SLC8B1: variants seen among roughly 807,000 people sequenced by gnomAD.
SLC8B1 encodes solute carrier family 8 member B1.
Under a neutral mutation model 63.4 loss-of-function variants are expected in SLC8B1, and 52 were observed. The ratio of observed to expected loss-of-function variants is 0.82; its 90% CI spans 0.66 to 1.03. The LOEUF (loss-of-function observed/expected upper bound fraction) is 1.03, where lower values mean the gene tolerates loss of function less well. Ranked by LOEUF, SLC8B1 falls within the 50% of genes least tolerant of loss-of-function variation. SLC8B1 has a pLI of 0.00. For missense variants in SLC8B1, 657 were observed against 741.7 expected (o/e 0.89, Z 1.33); for synonymous variants, 336 against 323.9 (o/e 1.04, Z -0.40).
intron 12 of SLC8B1, 44 bp from the exon 13 acceptor site, chr12:113,307,888 C>G: frequency 2.5e-6 from 4 of 1,596,632 alleles, no homozygotes; most frequent in Non-Finnish European, 3.4e-6. Flanking sequence ...CCAGCCCCAA[C>G]AGGAACACAG....
intron 11 of SLC8B1, among the ~76,000 whole-genome samples, chr12:113,313,473 C>T (rs980863433): frequency 6.6e-6 from 1 of 152,104 alleles, no homozygotes; most frequent in African/African-American, 2.4e-5. Context: ...GGCGCAGTGG[C>T]TCATGCTTAT....
intron 2 of SLC8B1, among the ~76,000 whole-genome samples, chr12:113,331,089 C>T (rs1957048488): frequency 6.6e-6 from 1 of 152,086 alleles, no homozygotes; most frequent in South Asian, 2.1e-4. Flanking sequence ...AATCACAGCA[C>T]CAGCACACCC....
intron 2 of SLC8B1, among the ~76,000 whole-genome samples, chr12:113,331,436 C>T (rs1257790404): frequency 6.6e-6 from 1 of 150,570 alleles, no homozygotes; most frequent in Non-Finnish European, 1.5e-5. Flanking sequence ...GAAAAGCAGA[C>T]CCACCCTCAA....
intron 2 of SLC8B1, among the ~76,000 whole-genome samples, chr12:113,332,184 T>C (rs78414437): frequency 0.082 from 12,491 of 152,266 alleles, 670 homozygotes; most frequent in Middle Eastern, 0.16. Context: ...CTGAAATAGT[T>C]GGAAAAGCTC....
chr12:113,332,229 C>T (rs771691258), intron 2 of SLC8B1, among the ~76,000 whole-genome samples: 1 of 152,156 alleles, frequency 6.6e-6, no homozygotes, highest in Non-Finnish European at 1.5e-5. Flanking sequence ...CTATTGTGTG[C>T]GGGGCACTTA....
intron 15 of SLC8B1, among the ~76,000 whole-genome samples, chr12:113,303,127 ACACACACACACACACG>A (rs1956619283): frequency 6.8e-6 from 1 of 147,200 alleles, no homozygotes; most frequent in Non-Finnish European, 1.5e-5. Flanking sequence ...ACACACACAC[ACACACACACACACACG>A]CGCGCGCACA....
intron 2 of SLC8B1, among the ~76,000 whole-genome samples, chr12:113,331,178 G>C (rs551008189): frequency 7.2e-5 from 11 of 151,836 alleles, no homozygotes; most frequent in Non-Finnish European, 1.3e-4. Flanking sequence ...AGAGAGGGTG[G>C]GAGTTCAATA....
chr12:113,316,457 G>C, intron 10 of SLC8B1, 69 bp downstream of exon 10: 2 of 1,568,916 alleles, frequency 1.3e-6, no homozygotes, highest in Admixed American at 3.5e-5. Flanking sequence ...CGTAGAGCTG[G>C]AGAGGGTAGC....
In SLC8B1 at chr12:113,299,956, G is replaced by A; in HGVS notation, c.1576C>T (p.Leu526=). The A allele has an allele frequency of 6.2e-7, 1 of 1,613,490 alleles. No homozygotes were observed. Among genetic ancestry groups the A allele is most frequent in the Non-Finnish European group, 8.5e-7 (1 of 1,179,960 alleles). ...AGGGCGCCTGCCAGGACCCACACCA[G>A]CAGTCCGTCTGGCTCCAGCTGTGGA... ...TEVKLEPDGL[L]VWVLAGALGL... Residue 526 remains leucine, a synonymous_variant, in exon 16 of 16, where the codon CTG becomes TTG. Coordinates refer to ENST00000680972, the MANE Select transcript of SLC8B1 (RefSeq NM_001358345.2).
rs912193736 is a variant in SLC8B1 at position 113,316,880 on chromosome 12, C to G, written c.862+62G>C. ...GAGCCCAGGTCTTGGAGGGCCCCATCTTTCCACCCCCAGCCTTTCCCTGTT... is the reference window on the plus strand; with the variant it reads ...GAGCCCAGGTCTTGGAGGGCCCCATGTTTCCACCCCCAGCCTTTCCCTGTT... On this transcript the variant is annotated intron_variant, in intron 9 of 15. Transcript: ENST00000680972. The G allele has an allele frequency of 1.0e-5, 16 of 1,579,760 alleles. 1 individual carries two copies. In the Admixed American group the frequency reaches 2.0e-4, roughly 19 times the overall value.
chr12:113,309,232 G>A (rs898375613), intron 12 of SLC8B1, among the ~76,000 whole-genome samples: 3 of 147,748 alleles, frequency 2.0e-5, no homozygotes, highest in Non-Finnish European at 4.5e-5. Context: ...GCCATGATGC[G>A]ATCTCATCTC....
In SLC8B1 at chr12:113,299,918, G is replaced by A. The variant is rs34833012; in HGVS notation, c.1614C>T (p.Leu538=). Residue 538 remains leucine, a synonymous_variant, in exon 16 of 16, where the codon CTC becomes CTT. Transcript: ENST00000680972. ...ATGGGACTGAGACCAGGGAGAAGAC[G>A]AGGCTGAGCCCCAGGGCGCCTGCCA... The part of the protein sequence containing the change: ...WVLAGALGLS[L]VFSLVSVPLQ... 1.2e-3 allele frequency: 1,972 copies of A among 1,614,144 alleles called. 17 individuals carry two copies. In the African/African-American group the frequency reaches 0.019, roughly 16 times the overall value.
At chr12:113,304,093 C>G (rs542014180) in intron 15 of SLC8B1, among the ~76,000 whole-genome samples, 1 of 152,236 alleles carries the variant, frequency 6.6e-6, no homozygotes, top group Non-Finnish European at 1.5e-5. Flanking sequence ...GTTGGCCAGG[C>G]TGGTCTCGAA....
intron 7 of SLC8B1, 89 bp from the exon 8 acceptor site, chr12:113,319,160 A>T (rs1956885629): frequency 1.0e-6 from 1 of 1,001,620 alleles, no homozygotes; most frequent in African/African-American, 1.6e-5. Flanking sequence ...GGTGCGTGTT[A>T]GCGGTGGCAA....
chr12:113,310,249 G>A lies in SLC8B1; in HGVS notation c.1242C>T (p.Pro414=), dbSNP rs767443939. The A allele has an allele frequency of 4.3e-6, 7 of 1,613,936 alleles. No homozygotes were observed. The East Asian group carries it at 1.3e-4, about 31-fold the overall frequency. The change falls in exon 12 of 16, where the codon CCC becomes CCT. Residue 414 remains proline (P), a synonymous_variant. Transcript: ENST00000680972. ...GGCTTCTTACCCAGTGAAGCCTGGGGGGCTGGCTGTCAGATGTGGCAAAAA... is the reference window on the plus strand; with the variant it reads ...GGCTTCTTACCCAGTGAAGCCTGGGAGGCTGGCTGTCAGATGTGGCAAAAA... ...VTFFATSDSQ[P]PRLHWLFAFL...
At chr12:113,325,626 G>A (rs1246236283) in intron 2 of SLC8B1, among the ~76,000 whole-genome samples, 4 of 150,242 alleles carry the variant, frequency 2.7e-5, no homozygotes, top group African/African-American at 4.9e-5. Context: ...CTGCAGTGGC[G>A]CTATCTCGGC....
chr12:113,317,601 T>C (rs919098716), intron 8 of SLC8B1, among the ~76,000 whole-genome samples: 1 of 152,172 alleles, frequency 6.6e-6, no homozygotes, highest in Non-Finnish European at 1.5e-5. Flanking sequence ...ATTTTTCTCT[T>C]CTCAGGAGGC....
In SLC8B1 at chr12:113,307,774, A is replaced by C; in HGVS notation, c.1328T>G (p.Ile443Ser). The C allele has an allele frequency of 1.2e-6, 2 of 1,613,964 alleles. No individual in the cohort carries two copies. The highest frequency in any genetic ancestry group is 1.7e-6 in the Non-Finnish European group (2 of 1,180,026). Reference sequence around the variant, plus strand: ...GAAGACCACACCCAGGGACCGCAAGATGTTCACCACCTCTGTGGCGGCCGC... The same window carrying C: ...GAAGACCACACCCAGGGACCGCAAGCTGTTCACCACCTCTGTGGCGGCCGC... The part of the protein sequence containing the change: ...INAAATEVVN[I>S]LRSLGVVFRL... The change falls in exon 13 of 16, where the codon ATC (isoleucine) becomes AGC (serine). Residue 443 changes from isoleucine to serine, a missense_variant. Ile to Ser is a moderately radical substitution (Grantham distance 142). Transcript: ENST00000680972.
chr12:113,328,069 G>A (rs1019600623), intron 2 of SLC8B1, among the ~76,000 whole-genome samples: 2 of 150,906 alleles, frequency 1.3e-5, no homozygotes, highest in Non-Finnish European at 2.9e-5. Flanking sequence ...TTCTGTCTAT[G>A]TCACCCAGGC....
Sources: gnomAD v4.1 joint callset for allele counts (sites outside exome capture counted in the v4.1 genomes callset) on GRCh38, gnomAD v4.1.1 for gene constraint, MANE v1.5 for transcripts, NCBI Gene and HGNC (gene_info 2026-07-23, HGNC 2026-07-21) for gene names.